Variants in PTPRCAP observed in about 807,000 individuals in gnomAD.
The protein encoded by PTPRCAP is protein tyrosine phosphatase receptor type C associated protein, also known as protein tyrosine phosphatase receptor type C-associated protein.
For missense variants in PTPRCAP, 294 were observed against 285.5 expected (o/e 1.03, Z -0.22); for synonymous variants, 136 against 135.8 (o/e 1.00, Z -0.01).
Position 67,436,088 on chromosome 11 carries a change from C to CA in PTPRCAP, c.265_266insT (p.Arg89LeufsTer8). On this transcript the variant is annotated frameshift_variant, in exon 2 of 2. Transcript: ENST00000326294. LOFTEE classifies it low-confidence loss of function (END_TRUNC). ...CAGCTCAGCTCGGGCCTGCAGCCAG[C>CA]GACCTGGGGGGCTGGCCCAGAGCAG... The CA allele has an allele frequency of 6.2e-7, 1 of 1,611,078 alleles. No homozygotes were observed. Among genetic ancestry groups the CA allele is most frequent in the Admixed American group, 1.7e-5 (1 of 59,788 alleles).
In PTPRCAP at chr11:67,435,716, G is replaced by T; in HGVS notation, c.*17C>A. 1 of 1,503,352 alleles carries T rather than the reference G, an allele frequency of 6.7e-7. No homozygotes were observed. Among genetic ancestry groups the T allele is most frequent in the South Asian group, 1.3e-5 (1 of 75,920 alleles). 93.1% of individuals were successfully genotyped at this position (1,503,352 alleles called of 1,614,324 possible). On this transcript the variant is annotated 3_prime_UTR_variant, in exon 2 of 2. Transcript: ENST00000326294. ...GAGTGAGCGGCTGTGACAGGGATGG[G>T]ACACCAAGACCGGCCTCTACAGTGC...
chr11:67,436,847 AC>A (rs1240199573), intron 1 of PTPRCAP: 7 of 154,606 alleles, frequency 4.5e-5, no homozygotes, highest in Non-Finnish European at 1.0e-4. Flanking sequence ...TGTCTTATCT[AC>A]CCCCCACAAT....
rs763651340 is a variant in PTPRCAP, at chr11:67,436,154, G to T, written c.200C>A (p.Pro67Gln). 6.4e-7 allele frequency: 1 copy of T among 1,568,234 alleles called. No individual in the cohort carries two copies. Among genetic ancestry groups the T allele is most frequent in the Non-Finnish European group, 8.6e-7 (1 of 1,156,750 alleles). The change falls in exon 2 of 2, where the codon CCG becomes CAG. Residue 67 changes from proline to glutamine, a missense_variant. Pro to Gln is a moderately conservative substitution (Grantham distance 76, BLOSUM62 -1). Coordinates refer to ENST00000326294, the MANE Select transcript of PTPRCAP (RefSeq NM_005608.3). ...CCACAGCGCGGCACCTAGGCGGGCC[G>T]GGTGGTAGTAGCCCCCTGAGTCACG... The part of the protein sequence containing the change: ...LSRDSGGYYH[P>Q]ARLGAALWGR...
chr11:67,437,642 C>T lies in PTPRCAP; in HGVS notation c.-23G>A, dbSNP rs376109006. On this transcript the variant is annotated 5_prime_UTR_variant, in exon 1 of 2. Coordinates refer to ENST00000326294, the MANE Select transcript of PTPRCAP (RefSeq NM_005608.3). ...CATTGGTCCGCAGGCCCCTCCGTGCCGGGCACCCACCTCCAGCTCTGGCTG... is the reference window on the plus strand; with the variant it reads ...CATTGGTCCGCAGGCCCCTCCGTGCTGGGCACCCACCTCCAGCTCTGGCTG... The T allele has an allele frequency of 4.9e-5, 67 of 1,364,996 alleles. No individual in the cohort carries two copies. The African/African-American group carries it at 6.7e-4, about 14-fold the overall frequency. The allele number at this position is 1,364,996 out of a possible 1,614,324, so 84.6% of individuals were successfully genotyped here.
Position 67,435,595 on chromosome 11 carries a change from G to A in PTPRCAP, c.*138C>T. 1 of 1,329,052 alleles carries A rather than the reference G, an allele frequency of 7.5e-7. No homozygotes were observed. The highest frequency in any genetic ancestry group is 1.0e-6 in the Non-Finnish European group (1 of 991,570). The allele number at this position is 1,329,052 out of a possible 1,614,324, so 82.3% of individuals were successfully genotyped here. A position where few individuals can be genotyped will look rare whatever the true frequency, so the allele number is the denominator to read the frequency against. ...TTCCCGTGGTGAGCGGGGTACACATGGACTTGGGAACTGGTAGGGGGTGAC... is the reference window on the plus strand; with the variant it reads ...TTCCCGTGGTGAGCGGGGTACACATAGACTTGGGAACTGGTAGGGGGTGAC... On this transcript the variant is annotated 3_prime_UTR_variant, in exon 2 of 2. Transcript: ENST00000326294.
chr11:67,436,146 G>A lies in PTPRCAP; in HGVS notation c.208C>T (p.Leu70=), dbSNP rs1365086281. The change falls in exon 2 of 2, where the codon CTA becomes TTA. Residue 70 remains leucine, a synonymous_variant. Transcript: ENST00000326294. ...DSGGYYHPAR[L]GAALWGRTRR... ...GTGCGGCCCCACAGCGCGGCACCTA[G>A]GCGGGCCGGGTGGTAGTAGCCCCCT... The A allele has an allele frequency of 6.4e-7, 1 of 1,572,728 alleles. No individual in the cohort carries two copies. The highest frequency in any genetic ancestry group is 1.3e-5 in the African/African-American group (1 of 74,178).
intron 1 of PTPRCAP, chr11:67,436,915 G>A (rs934645293): frequency 1.3e-5 from 2 of 151,764 alleles, no homozygotes; most frequent in African/African-American, 2.4e-5. Context: ...TGCTCAATAA[G>A]TATGGATTAA....
Position 67,437,648 on chromosome 11 carries a change from C to T in PTPRCAP, c.-29G>A, listed in dbSNP as rs1864313935. On this transcript the variant is annotated 5_prime_UTR_variant, in exon 1 of 2. The change creates a new upstream start codon in the 5' untranslated region. Transcript: ENST00000326294. ...TCCGCAGGCCCCTCCGTGCCGGGCA[C>T]CCACCTCCAGCTCTGGCTGTGTCGA... 4 of 1,364,260 alleles carry T rather than the reference C, an allele frequency of 2.9e-6. No homozygotes were observed. Among genetic ancestry groups the T allele is most frequent in the Non-Finnish European group, 3.8e-6 (4 of 1,050,162 alleles). 84.5% of individuals were successfully genotyped at this position (1,364,260 alleles called of 1,614,324 possible).
rs1193890953 is a variant in PTPRCAP at position 67,436,344 on chromosome 11, G to A, written c.10C>T (p.Pro4Ser). 6 of 1,468,480 alleles carry A rather than the reference G, an allele frequency of 4.1e-6. No homozygotes were observed. Among genetic ancestry groups the A allele is most frequent in the African/African-American group, 2.8e-5 (2 of 70,768 alleles). 91.0% of individuals were successfully genotyped at this position (1,468,480 alleles called of 1,614,324 possible). The change falls in exon 2 of 2, where the codon CCC becomes TCC. Residue 4 changes from proline to serine, a missense_variant. By Grantham distance (74) the Pro-to-Ser change is moderately conservative. Coordinates refer to ENST00000326294, the MANE Select transcript of PTPRCAP (RefSeq NM_005608.3). MAL[P>S]CTLGLGMLLA... The stretch of plus-strand genomic sequence containing the variant: ...AGCATCCCGAGCCCTAAGGTGCAGG[G>A]CAGAGCCTGTGGGAGACAGGCAGGG...
intron 1 of PTPRCAP, chr11:67,437,253 G>T (rs924835685): frequency 2.2e-5 from 5 of 225,128 alleles, no homozygotes; most frequent in Non-Finnish European, 3.4e-5. Flanking sequence ...GTCTGCGGTC[G>T]GAACAGGCTA....
At chr11:67,436,599 CTTCGCACTGGCTG>C in intron 1 of PTPRCAP, 1 of 420,078 alleles carries the variant, frequency 2.4e-6, no homozygotes, top group Non-Finnish European at 4.2e-6. Flanking sequence ...TGCCTGGGGC[CTTCGCACTGGCTG>C]TTCCCTCTGC....
At chr11:67,437,558 T>A (rs1864311879) in intron 1 of PTPRCAP, 59 bp downstream of exon 1, 1 of 1,336,668 alleles carries the variant, frequency 7.5e-7, no homozygotes, top group African/African-American at 1.5e-5. Flanking sequence ...GGCCCAGACA[T>A]TCTAGCCCCG....
At chr11:67,437,422 G>C in intron 1 of PTPRCAP, 195 bp downstream of exon 1, 1 of 522,388 alleles carries the variant, frequency 1.9e-6, no homozygotes. Context: ...GGTATGGGGT[G>C]CTGGGGGCCA....
chr11:67,436,519 T>C, intron 1 of PTPRCAP, 169 bp from the exon 2 acceptor site: 1 of 749,524 alleles, frequency 1.3e-6, no homozygotes, highest in South Asian at 2.5e-5. Context: ...TCTGGCCCTG[T>C]GAGATCAGCC....
At chr11:67,437,433 G>T in intron 1 of PTPRCAP, 184 bp downstream of exon 1, 1 of 613,470 alleles carries the variant, frequency 1.6e-6, no homozygotes, top group Non-Finnish European at 2.5e-6. Flanking sequence ...CTGGGGGCCA[G>T]GCCTGGAGTC....
At position 67,436,140 on chromosome 11, in the gene PTPRCAP, C is replaced by T. The variant is rs1864268366; in HGVS notation, c.214G>A (p.Ala72Thr). Residue 72 changes from alanine (A) to threonine (T), a missense_variant, in exon 2 of 2, where the codon GCC becomes ACC. Transcript: ENST00000326294. ...CGCCGCGTGCGGCCCCACAGCGCGG[C>T]ACCTAGGCGGGCCGGGTGGTAGTAG... Reference protein sequence around the residue: ...GGYYHPARLGAALWGRTRRLL... With the variant: ...GGYYHPARLGTALWGRTRRLL... 3.8e-6 allele frequency: 6 copies of T among 1,578,624 alleles called. No homozygotes were observed. In the East Asian group the frequency reaches 6.9e-5, roughly 18 times the overall value.
In PTPRCAP at chr11:67,435,810, C is replaced by T. The variant is rs776785147; in HGVS notation, c.544G>A (p.Ala182Thr). The change falls in exon 2 of 2, where the codon GCC becomes ACC. Residue 182 changes from alanine to threonine, a missense_variant. Physicochemically the swap from Ala to Thr is moderately conservative, Grantham distance 58. Coordinates refer to ENST00000326294, the MANE Select transcript of PTPRCAP (RefSeq NM_005608.3). ...SAEALLSDLH[A>T]FAGSAAWDDS... ...TCCCAGGCTGCGCTGCCAGCAAAGGCGTGCAGGTCACTCAGCAGGGCCTCA... is the reference window on the plus strand; with the variant it reads ...TCCCAGGCTGCGCTGCCAGCAAAGGTGTGCAGGTCACTCAGCAGGGCCTCA... The T allele has an allele frequency of 2.1e-5, 34 of 1,600,480 alleles. No homozygotes were observed. In the Admixed American group the frequency reaches 3.2e-4, roughly 15 times the overall value.
Position 67,435,897 on chromosome 11 carries a change from T to C in PTPRCAP, c.457A>G (p.Ser153Gly), listed in dbSNP as rs759630855. The change falls in exon 2 of 2, where the codon AGT becomes GGT. Residue 153 changes from serine (S) to glycine (G), a missense_variant. Coordinates refer to ENST00000326294, the MANE Select transcript of PTPRCAP (RefSeq NM_005608.3). ...AGGACCAGGTCGCCCTCCGTGTCACTGTCTCTGGCTTCCTCAGCCCGCACG... is the reference window on the plus strand; with the variant it reads ...AGGACCAGGTCGCCCTCCGTGTCACCGTCTCTGGCTTCCTCAGCCCGCACG... Reference protein sequence around the residue: ...VPVRAEEARDSDTEGDLVLGS... With the variant: ...VPVRAEEARDGDTEGDLVLGS... 7 of 1,612,276 alleles carry C rather than the reference T, an allele frequency of 4.3e-6. No individual in the cohort carries two copies. The Admixed American group carries it at 5.0e-5, about 12-fold the overall frequency.
intron 1 of PTPRCAP, chr11:67,436,723 C>A (rs547296305): frequency 4.9e-4 from 110 of 226,406 alleles, no homozygotes; most frequent in African/African-American, 2.4e-3. Context: ...TGACCTTAAC[C>A]TCTACCCTGA....
Sources: allele counts gnomAD v4.1 joint callset, GRCh38; gene constraint gnomAD v4.1.1; transcripts MANE v1.5; gene names NCBI Gene and HGNC (gene_info 2026-07-23, HGNC 2026-07-21).